OR8J1: variants seen among roughly 807,000 people sequenced by gnomAD.
OR8J1 encodes olfactory receptor family 8 subfamily J member 1, also known as olfactory receptor 8J1.
For synonymous variants in OR8J1, 157 were observed against 144.3 expected (o/e 1.09, Z -0.63); for missense variants, 400 against 373.0 (o/e 1.07, Z -0.60).
intron 1 of OR8J1, among the ~76,000 whole-genome samples, chr11:56,359,157 A>G (rs1286398316): frequency 6.6e-6 from 1 of 152,090 alleles, no homozygotes; most frequent in Non-Finnish European, 1.5e-5. Flanking sequence ...GGTGTCCACA[A>G]CAGGGGAACT....
chr11:56,355,266 A>AATATAT (rs142666884), intron 1 of OR8J1, among the ~76,000 whole-genome samples: 1 of 149,762 alleles, frequency 6.7e-6, no homozygotes, highest in African/African-American at 2.4e-5. Flanking sequence ...ATAGGGAATA[A>AATATAT]ATATATATAT....
At chr11:56,354,848 T>C (rs1164270993) in intron 1 of OR8J1, among the ~76,000 whole-genome samples, 1 of 152,200 alleles carries the variant, frequency 6.6e-6, no homozygotes, top group Non-Finnish European at 1.5e-5. Flanking sequence ...ACTGCAATAA[T>C]GGAAAGTGTT....
chr11:56,360,807 A>G lies in OR8J1; in HGVS notation c.561A>G (p.Leu187=). 6.4e-7 allele frequency: 1 copy of G among 1,558,370 alleles called. No homozygotes were observed. The highest frequency in any genetic ancestry group is 8.6e-7 in the Non-Finnish European group (1 of 1,159,168). ...GTGATAATGTTCCTCTGTTAGCATTATCTTGCTCTGATACTTACTTACCAG... is the reference window on the plus strand; with the variant it reads ...GTGATAATGTTCCTCTGTTAGCATTGTCTTGCTCTGATACTTACTTACCAG... ...FYCDNVPLLA[L]SCSDTYLPET... is the part of the protein sequence containing the mutation. The change falls in exon 2 of 2, where the codon TTA becomes TTG. Residue 187 remains leucine (L), a synonymous_variant. Transcript: ENST00000533152.
At chr11:56,357,479 A>T in intron 1 of OR8J1, 1 of 864,254 alleles carries the variant, frequency 1.2e-6, no homozygotes, top group Admixed American at 1.7e-5. Context: ...ACTGGATGAT[A>T]GTTCATGTAA....
chr11:56,357,571 T>C (rs1344926976), intron 1 of OR8J1: 3 of 1,005,654 alleles, frequency 3.0e-6, no homozygotes, highest in Non-Finnish European at 4.7e-6. Context: ...GCACACGAAC[T>C]GCCAAAATAT....
chr11:56,360,333 G>A lies in OR8J1; in HGVS notation c.87G>A (p.Leu29=). 1 of 1,613,932 alleles carries A rather than the reference G, an allele frequency of 6.2e-7. No individual in the cohort carries two copies. The change falls in exon 2 of 2, where the codon CTG becomes CTA. Residue 29 remains leucine, a synonymous_variant. Coordinates refer to ENST00000533152, the MANE Select transcript of OR8J1 (RefSeq NM_001005205.3). ...CAGAGCTCCAGATTCCCCTCTTCCT[G>A]GTCTTTCTGGTGCTCTATGGGCTGA... ...SCPELQIPLF[L]VFLVLYGLTM... is the part of the protein sequence containing the mutation.
At chr11:56,356,322 T>C (rs1854967826) in intron 1 of OR8J1, among the ~76,000 whole-genome samples, 2 of 152,208 alleles carry the variant, frequency 1.3e-5, no homozygotes, top group Non-Finnish European at 2.9e-5. Context: ...AGGATGAATA[T>C]GACTTTTGTG....
intron 1 of OR8J1, among the ~76,000 whole-genome samples, chr11:56,355,278 T>C (rs1854952419): frequency 6.6e-6 from 1 of 151,458 alleles, no homozygotes; most frequent in African/African-American, 2.4e-5. Context: ...TATATATATA[T>C]ATATTTAAAT....
Position 56,360,993 on chromosome 11 carries a change from A to T in OR8J1, c.747A>T (p.Thr249=), listed in dbSNP as rs747801339. The T allele has an allele frequency of 2.0e-5, 29 of 1,476,324 alleles. No individual in the cohort carries two copies. The highest frequency in any genetic ancestry group is 5.2e-5 in the Admixed American group (2 of 38,830). 91.5% of individuals were successfully genotyped at this position (1,476,324 alleles called of 1,614,324 possible). A position where few individuals can be genotyped will look rare whatever the true frequency, so the allele number is the denominator to read the frequency against. ...STCASHMMAV[T]IFYGTLLFMY... ...GTGCTTCACATATGATGGCAGTCACAATTTTTTATGGGACATTGCTATTCA... is the reference window on the plus strand; with the variant it reads ...GTGCTTCACATATGATGGCAGTCACTATTTTTTATGGGACATTGCTATTCA... Residue 249 remains threonine, a synonymous_variant, in exon 2 of 2, where the codon ACA becomes ACT. Coordinates refer to ENST00000533152, the MANE Select transcript of OR8J1 (RefSeq NM_001005205.3).
intron 1 of OR8J1, among the ~76,000 whole-genome samples, chr11:56,356,718 T>C (rs1017569360): frequency 5.3e-5 from 8 of 152,146 alleles, no homozygotes; most frequent in African/African-American, 1.7e-4. Flanking sequence ...TCTTGACATA[T>C]GAAAAAAATA....
chr11:56,356,272 A>G (rs910669127), intron 1 of OR8J1, among the ~76,000 whole-genome samples: 1 of 152,242 alleles, frequency 6.6e-6, no homozygotes, highest in African/African-American at 2.4e-5. Context: ...CATAGAAATT[A>G]GCAAATAGTG....
intron 1 of OR8J1, among the ~76,000 whole-genome samples, chr11:56,359,441 A>C (rs1448551858): frequency 6.6e-6 from 1 of 151,984 alleles, no homozygotes; most frequent in Non-Finnish European, 1.5e-5. Context: ...TATATAAATA[A>C]AAATTGTGAT....
chr11:56,355,426 A>G (rs1013396510), intron 1 of OR8J1, among the ~76,000 whole-genome samples: 2 of 152,054 alleles, frequency 1.3e-5, no homozygotes, highest in Non-Finnish European at 2.9e-5. Flanking sequence ...ACCTGAGGTC[A>G]GGAATTTGAG....
rs367682545 is a variant in OR8J1, at chr11:56,360,733, G to A, written c.487G>A (p.Val163Ile). The change falls in exon 2 of 2, where the codon GTA becomes ATA. Residue 163 changes from valine (V) to isoleucine (I), a missense_variant. Physicochemically the swap from Val to Ile is conservative, Grantham distance 29. Coordinates refer to ENST00000533152, the MANE Select transcript of OR8J1 (RefSeq NM_001005205.3). ...FSTAIVVSSY[V>I]FSVSYCSSNI... The stretch of plus-strand genomic sequence containing the variant: ...TACAGCTATTGTGGTTTCATCTTAT[G>A]TATTCTCTGTGTCTTATTGCTCTTC... 7 of 1,607,172 alleles carry A rather than the reference G, an allele frequency of 4.4e-6. No individual in the cohort carries two copies. The highest frequency in any genetic ancestry group is 1.7e-4 in the Middle Eastern group (1 of 5,998).
intron 1 of OR8J1, chr11:56,357,823 C>T (rs758233552): frequency 3.3e-5 from 34 of 1,033,824 alleles, no homozygotes; most frequent in Admixed American, 2.4e-4. Context: ...AAGGAAGCTG[C>T]GGTTGGAGGC....
At chr11:56,357,884 C>A in intron 1 of OR8J1, 1 of 886,102 alleles carries the variant, frequency 1.1e-6, no homozygotes, top group Non-Finnish European at 1.9e-6. Flanking sequence ...ATTCTGAAAG[C>A]AAGGGATTTA....
chr11:56,355,878 C>T (rs111484772), intron 1 of OR8J1, among the ~76,000 whole-genome samples: 36 of 152,096 alleles, frequency 2.4e-4, no homozygotes, highest in African/African-American at 7.5e-4. Context: ...GGAGCCACTG[C>T]TACAAATGGT....
chr11:56,358,760 G>A (rs1310827116), intron 1 of OR8J1, among the ~76,000 whole-genome samples: 1 of 151,818 alleles, frequency 6.6e-6, no homozygotes, highest in African/African-American at 2.4e-5. Flanking sequence ...TCCTTTCATT[G>A]GAATAGTAGG....
At chr11:56,354,480 T>A (rs1307400050) in intron 1 of OR8J1, among the ~76,000 whole-genome samples, 155 bp downstream of exon 1, 1 of 152,178 alleles carries the variant, frequency 6.6e-6, no homozygotes, top group Non-Finnish European at 1.5e-5. Context: ...TTTTTCAGAT[T>A]TATAACTGTT....
Sources: allele counts gnomAD v4.1 joint callset (sites outside exome capture counted in the v4.1 genomes callset), GRCh38; gene constraint gnomAD v4.1.1; transcripts MANE v1.5; gene names NCBI Gene and HGNC (gene_info 2026-07-23, HGNC 2026-07-21).